Variants in ZNF385B observed in about 807,000 individuals in gnomAD.
ZNF385B encodes zinc finger protein 533.
In ZNF385B, 23 loss-of-function variants were observed where a neutral mutation model predicts 39.2. The observed-to-expected ratio is 0.59, with a 90% CI of 0.42 to 0.83. The LOEUF (loss-of-function observed/expected upper bound fraction) is 0.83. ZNF385B is among the 40% of genes least tolerant of loss of function. The pLI is 0.00. For missense variants in ZNF385B, 552 were observed against 598.9 expected, an observed-to-expected ratio of 0.92 and a Z score of 0.82; for synonymous variants, 205 against 222.6, an observed-to-expected ratio of 0.92 and a Z score of 0.70.
At chr2:179,857,547 G>A (rs957115387) in intron 1 of ZNF385B, among the ~76,000 whole-genome samples, 7 of 152,100 alleles carry the variant, frequency 4.6e-5, no homozygotes, top group African/African-American at 1.4e-4. Context: ...CATAAGCAAC[G>A]ACACAGAGCT....
intron 4 of ZNF385B, among the ~76,000 whole-genome samples, chr2:179,522,426 CT>C (rs1359194950): frequency 5.9e-5 from 9 of 152,066 alleles, no homozygotes; most frequent in Non-Finnish European, 1.2e-4. Context: ...TATTCTATCA[CT>C]AAGTTTCAGG....
intron 3 of ZNF385B, among the ~76,000 whole-genome samples, chr2:179,710,895 T>C (rs1021324630): frequency 6.6e-6 from 1 of 152,214 alleles, no homozygotes; most frequent in Admixed American, 6.5e-5. Context: ...CTGTACTTAG[T>C]ATAATGACCC....
chr2:179,641,216 T>C (rs192842158), intron 3 of ZNF385B, among the ~76,000 whole-genome samples: 3 of 152,178 alleles, frequency 2.0e-5, no homozygotes, highest in Admixed American at 6.6e-5. Context: ...AAACGTTTTA[T>C]AGTCTTCAAT....
intron 3 of ZNF385B, among the ~76,000 whole-genome samples, chr2:179,569,647 C>T (rs1041407815): frequency 1.3e-5 from 2 of 152,162 alleles, no homozygotes; most frequent in African/African-American, 2.4e-5. Context: ...CAGGTTAGAA[C>T]ATGAGGACAC....
At chr2:179,860,870 G>C (rs1486483637) in intron 1 of ZNF385B, 30 of 324,026 alleles carry the variant, frequency 9.3e-5, no homozygotes, top group South Asian at 1.8e-4. Flanking sequence ...CTAACTCCAG[G>C]GACTCGCAGG....
At chr2:179,477,035 G>A (rs1027620672) in intron 6 of ZNF385B, among the ~76,000 whole-genome samples, 8 of 152,146 alleles carry the variant, frequency 5.3e-5, no homozygotes, top group East Asian at 1.9e-4. Flanking sequence ...ACATCACAAG[G>A]TCCTGTTACT....
intron 5 of ZNF385B, among the ~76,000 whole-genome samples, chr2:179,484,060 G>A (rs905971656): frequency 6.6e-6 from 1 of 152,150 alleles, no homozygotes; most frequent in Non-Finnish European, 1.5e-5. Context: ...GATCTCAGAT[G>A]TGATTCTGAA....
intron 3 of ZNF385B, among the ~76,000 whole-genome samples, chr2:179,657,222 T>C (rs1039664215): frequency 6.6e-6 from 1 of 152,212 alleles, no homozygotes; most frequent in African/African-American, 2.4e-5. Context: ...CTCCTATTCA[T>C]GATGAACAAG....
At chr2:179,520,628 A>AGTTTATG (rs1400263168) in intron 4 of ZNF385B, among the ~76,000 whole-genome samples, 26 of 152,336 alleles carry the variant, frequency 1.7e-4, no homozygotes, top group African/African-American at 6.0e-4. Flanking sequence ...TAAAAATAAA[A>AGTTTATG]CAGGCTAACT....
At chr2:179,844,776 C>G (rs1455262979) in intron 1 of ZNF385B, among the ~76,000 whole-genome samples, 1 of 152,038 alleles carries the variant, frequency 6.6e-6, no homozygotes, top group Non-Finnish European at 1.5e-5. Context: ...AAAAAGAAGG[C>G]AACACTACTT....
intron 3 of ZNF385B, among the ~76,000 whole-genome samples, chr2:179,673,511 T>A (rs1696327443): frequency 6.6e-6 from 1 of 152,130 alleles, no homozygotes; most frequent in African/African-American, 2.4e-5. Flanking sequence ...GAAGAAGAAT[T>A]TAGAAGAAAA....
At chr2:179,538,105 T>C (rs2059699693) in intron 4 of ZNF385B, among the ~76,000 whole-genome samples, 1 of 152,150 alleles carries the variant, frequency 6.6e-6, no homozygotes, top group Non-Finnish European at 1.5e-5. Context: ...TTTTCTTTTT[T>C]ATTTGACTGG....
intron 3 of ZNF385B, among the ~76,000 whole-genome samples, chr2:179,679,592 A>G (rs1409068111): frequency 7.4e-6 from 1 of 135,346 alleles, no homozygotes; most frequent in Non-Finnish European, 1.6e-5. Flanking sequence ...TTTCTTATTA[A>G]CAGCTATTAT....
chr2:179,463,607 G>A (rs1228893330), intron 6 of ZNF385B, among the ~76,000 whole-genome samples: 1 of 151,892 alleles, frequency 6.6e-6, no homozygotes, highest in Non-Finnish European at 1.5e-5. Flanking sequence ...TGCGGTGTTT[G>A]ATTTTCTGTT....
chr2:179,781,116 A>C (rs1226309147), intron 1 of ZNF385B, among the ~76,000 whole-genome samples: 1 of 152,218 alleles, frequency 6.6e-6, no homozygotes, highest in East Asian at 1.9e-4. Context: ...AAGTCCTGGC[A>C]GGTTTACTTT....
At chr2:179,508,030 A>G (rs1405897558) in intron 5 of ZNF385B, among the ~76,000 whole-genome samples, 1 of 152,230 alleles carries the variant, frequency 6.6e-6, no homozygotes, top group Non-Finnish European at 1.5e-5. Flanking sequence ...CCTCTTCTGC[A>G]GAATGTTCTA....
intron 6 of ZNF385B, among the ~76,000 whole-genome samples, chr2:179,456,384 C>T (rs7340427): frequency 0.12 from 18,226 of 152,152 alleles, 1,434 homozygotes; most frequent in East Asian, 0.33. Flanking sequence ...ACCTATCCAA[C>T]AGACATAATA....
At chr2:179,730,386 T>C (rs1041218094) in intron 3 of ZNF385B, among the ~76,000 whole-genome samples, 3 of 152,212 alleles carry the variant, frequency 2.0e-5, no homozygotes, top group Non-Finnish European at 2.9e-5. Flanking sequence ...GACCTCACCA[T>C]AATAGGAACA....
intron 3 of ZNF385B, among the ~76,000 whole-genome samples, chr2:179,667,726 A>ATTC (rs1695358618): frequency 6.6e-6 from 1 of 151,676 alleles, no homozygotes; most frequent in Non-Finnish European, 1.5e-5. Flanking sequence ...TTTATAGGGA[A>ATTC]GAAGGAAAGG....
Sources: allele counts gnomAD v4.1 joint callset (sites outside exome capture counted in the v4.1 genomes callset), GRCh38; gene constraint gnomAD v4.1.1; transcripts MANE v1.5; gene names NCBI Gene and HGNC (gene_info 2026-07-23, HGNC 2026-07-21).